GABRB1: variants seen among roughly 807,000 people sequenced by gnomAD.
GABRB1 encodes the protein gamma-aminobutyric acid type A receptor subunit beta1, also known as gamma-aminobutyric acid receptor subunit beta-1.
In GABRB1, 17 loss-of-function variants were observed where a neutral mutation model predicts 51.6. The ratio of observed to expected loss-of-function variants is 0.33; its 90% confidence interval spans 0.23 to 0.49. The LOEUF (loss-of-function observed/expected upper bound fraction) is 0.49. Ranked by LOEUF, GABRB1 falls within the 20% of genes least tolerant of loss-of-function variation. The pLI, the probability that GABRB1 is intolerant of heterozygous loss-of-function variation, is 0.99. For missense variants in GABRB1, 410 were observed against 600.6 expected (o/e 0.68, Z 3.32); for synonymous variants, 247 against 218.9 (o/e 1.13, Z -1.14).
chr4:47,129,994 T>A (rs1716334897), intron 3 of GABRB1, among the ~76,000 whole-genome samples: 2 of 152,186 alleles, frequency 1.3e-5, no homozygotes, highest in South Asian at 4.1e-4. Context: ...AACATTCAAT[T>A]TTCGCAAAGT....
At chr4:47,206,565 A>G (rs911549264) in intron 4 of GABRB1, among the ~76,000 whole-genome samples, 4 of 151,980 alleles carry the variant, frequency 2.6e-5, no homozygotes, top group East Asian at 1.9e-4. Flanking sequence ...GTTGCTTACT[A>G]TGTGTGAAGC....
intron 8 of GABRB1, among the ~76,000 whole-genome samples, chr4:47,413,053 G>C (rs138460964): frequency 0.011 from 1,656 of 152,312 alleles, 37 homozygotes; most frequent in African/African-American, 0.038. Context: ...CTGGCTTCCA[G>C]GTAGCCCTTT....
chr4:47,253,146 G>A (rs1439066967), intron 4 of GABRB1, among the ~76,000 whole-genome samples: 1 of 152,174 alleles, frequency 6.6e-6, no homozygotes, highest in East Asian at 1.9e-4. Flanking sequence ...GCAAGGCAGT[G>A]TGCCTGGCCT....
rs55666433 is a variant in GABRB1 at position 47,402,666 on chromosome 4, C to A, written c.545-652C>A. On this transcript the variant is annotated intron_variant, in intron 5 of 8. Coordinates refer to ENST00000295454, the MANE Select transcript of GABRB1 (RefSeq NM_000812.4). ...ACAATCTACAGTTCCCTACACATTC[C>A]CCTTAAATTAACTAAAGTTCACTCT... Among the ~76,000 whole-genome samples, 932 of 152,146 alleles carry A rather than the reference C, an allele frequency of 6.1e-3. 18 individuals carry two copies. Among genetic ancestry groups the A allele is most frequent in the African/African-American group, 0.021 (888 of 41,502 alleles).
chr4:47,306,482 G>C (rs1057270586), intron 4 of GABRB1, among the ~76,000 whole-genome samples: 1 of 150,844 alleles, frequency 6.6e-6, no homozygotes, highest in African/African-American at 2.4e-5. Flanking sequence ...AAAGGAGGGA[G>C]AGAAAAAGGA....
chr4:47,145,215 G>C (rs1717106954), intron 3 of GABRB1, among the ~76,000 whole-genome samples: 1 of 152,004 alleles, frequency 6.6e-6, no homozygotes, highest in Non-Finnish European at 1.5e-5. Flanking sequence ...CTAGATTATT[G>C]AAAACCTTTC....
At chr4:47,154,528 G>A (rs6827925) in intron 3 of GABRB1, among the ~76,000 whole-genome samples, 130,754 of 151,982 alleles carry the variant, frequency 0.86, 56,260 homozygotes, top group African/African-American at 0.9. Flanking sequence ...AGGGAGGTGG[G>A]CTAGATGATT....
intron 3 of GABRB1, among the ~76,000 whole-genome samples, chr4:47,060,532 G>A (rs1449208425): frequency 1.3e-5 from 2 of 152,058 alleles, no homozygotes; most frequent in Non-Finnish European, 2.9e-5. Context: ...GTAAATACAA[G>A]CAAATAATTA....
chr4:47,208,473 T>A (rs1423181150), intron 4 of GABRB1, among the ~76,000 whole-genome samples: 1 of 152,102 alleles, frequency 6.6e-6, no homozygotes, highest in East Asian at 1.9e-4. Context: ...TTCTTTAAAA[T>A]GCCTCAAATG....
At chr4:47,094,675 G>T (rs1348991187) in intron 3 of GABRB1, among the ~76,000 whole-genome samples, 1 of 151,554 alleles carries the variant, frequency 6.6e-6, no homozygotes, top group Non-Finnish European at 1.5e-5. Flanking sequence ...CTTAATACTT[G>T]GGTGGTGAAA....
intron 5 of GABRB1, among the ~76,000 whole-genome samples, chr4:47,392,450 C>A (rs934326204): frequency 6.7e-6 from 1 of 149,616 alleles, no homozygotes; most frequent in Non-Finnish European, 1.5e-5. Flanking sequence ...TTAAGCAATT[C>A]TCCTGCCTCA....
chr4:47,037,230 T>G (rs1262279571), intron 3 of GABRB1, among the ~76,000 whole-genome samples: 1 of 152,174 alleles, frequency 6.6e-6, no homozygotes, highest in Non-Finnish European at 1.5e-5. Context: ...GCAAACTGTT[T>G]TTGCACCACT....
intron 1 of GABRB1, 65 bp from the exon 2 acceptor site, chr4:47,031,849 T>G: frequency 1.3e-6 from 2 of 1,526,866 alleles, no homozygotes; most frequent in Admixed American, 3.3e-5. Context: ...GGTGTGCCTG[T>G]ATCTTTTTAT....
At chr4:47,161,594 A>G in intron 4 of GABRB1, 125 bp downstream of exon 4, 1 of 719,812 alleles carries the variant, frequency 1.4e-6, no homozygotes. Context: ...GGTGTCATAT[A>G]CTTATGAAGG....
chr4:47,219,417 G>A (rs962760901), intron 4 of GABRB1, among the ~76,000 whole-genome samples: 1 of 151,760 alleles, frequency 6.6e-6, no homozygotes, highest in Non-Finnish European at 1.5e-5. Context: ...TAAATATAAA[G>A]CACTAAAATA....
At position 47,019,625 on chromosome 4, in the gene GABRB1, C is replaced by CTCTCTCTCTTTCTTTCTTTCTTTCTT. The variant is rs1274221477; in HGVS notation, c.-19-12286_-19-12285insCTCTCTTTCTTTCTTTCTTTCTTTCT. 1.7e-3 allele frequency among the ~76,000 whole-genome samples: 151 copies of CTCTCTCTCTTTCTTTCTTTCTTTCTT among 91,104 alleles called. 1 individual carries two copies. The highest frequency in any genetic ancestry group is 2.7e-3 in the East Asian group (8 of 2,966). The allele number at this position is 91,104 out of a possible 152,430, so 59.8% of individuals were successfully genotyped here. On this transcript the variant is annotated intron_variant, in intron 1 of 3. Transcript: ENST00000513567. ...TCCTCCCTTCTTTCTTTCTTTCTCT[C>CTCTCTCTCTTTCTTTCTTTCTTTCTT]TCTTTCTTTCTTTCTTTCTTTCTTT...
intron 4 of GABRB1, among the ~76,000 whole-genome samples, chr4:47,303,032 G>A (rs1330457066): frequency 1.3e-5 from 2 of 151,858 alleles, no homozygotes; most frequent in African/African-American, 4.8e-5. Context: ...TGAATACAGT[G>A]TATTTAGGGG....
intron 4 of GABRB1, among the ~76,000 whole-genome samples, chr4:47,261,924 G>C (rs1203538182): frequency 1.3e-5 from 2 of 151,808 alleles, no homozygotes; most frequent in Non-Finnish European, 2.9e-5. Context: ...ACAAAGCTGA[G>C]AAAAACAAGC....
At chr4:47,373,139 T>C (rs1727264832) in intron 5 of GABRB1, among the ~76,000 whole-genome samples, 1 of 152,224 alleles carries the variant, frequency 6.6e-6, no homozygotes, top group Non-Finnish European at 1.5e-5. Flanking sequence ...AGTGTGTCCT[T>C]ATCTCTCCTC....
Sources: gnomAD v4.1 joint callset for allele counts (sites outside exome capture counted in the v4.1 genomes callset) on GRCh38, gnomAD v4.1.1 for gene constraint, MANE v1.5 for transcripts, NCBI Gene and HGNC (gene_info 2026-07-23, HGNC 2026-07-21) for gene names.